Variants in SYNJ2BP observed in about 807,000 individuals in gnomAD.
SYNJ2BP encodes synaptojanin-2-binding protein.
In SYNJ2BP, 10 loss-of-function variants were observed where a neutral mutation model predicts 16.9. That is an observed-to-expected ratio of 0.59 (90% CI 0.36 to 1.00). The LOEUF (loss-of-function observed/expected upper bound fraction) is 1.00, where lower values mean the gene tolerates loss of function less well. Among genes scored for constraint, SYNJ2BP ranks in the 50% least tolerant of loss-of-function variants. SYNJ2BP has a pLI of 0.01. For synonymous variants in SYNJ2BP, 54 were observed against 68.4 expected (o/e 0.79, Z 1.04); for missense variants, 162 against 186.7 (o/e 0.87, Z 0.77).
intron 2 of SYNJ2BP, among the ~76,000 whole-genome samples, chr14:70,376,480 C>A (rs578215155): frequency 1.3e-5 from 2 of 152,268 alleles, no homozygotes; most frequent in South Asian, 4.1e-4. Flanking sequence ...GGAGTGACAT[C>A]GGCCACAAGT....
At chr14:70,416,837 AG>A in intron 1 of SYNJ2BP, 62 bp downstream of exon 1, 7 of 1,611,034 alleles carry the variant, frequency 4.3e-6, no homozygotes, top group Admixed American at 1.7e-5. Flanking sequence ...GCTCAGCAGC[AG>A]AGGTGTCTGC....
chr14:70,403,196 A>G lies in SYNJ2BP; in HGVS notation c.64+13704T>C, dbSNP rs536507278. On this transcript the variant is annotated intron_variant, in intron 1 of 3. Transcript: ENST00000256366. ...AGGAACTGGTAGTCTAAACAGGGAG[A>G]GATTATCTGCAAACTGGCAAATGAA... Among the ~76,000 whole-genome samples, 33 of 152,332 alleles carry G rather than the reference A, an allele frequency of 2.2e-4. 1 individual carries two copies. The South Asian group carries it at 6.8e-3, about 32-fold the overall frequency.
chr14:70,400,075 G>GGATT (rs1346767040), intron 1 of SYNJ2BP, among the ~76,000 whole-genome samples: 3 of 152,132 alleles, frequency 2.0e-5, no homozygotes, highest in African/African-American at 7.2e-5. Context: ...AAGTCAAAAA[G>GGATT]GATTATTTCA....
chr14:70,401,401 G>C (rs1171628646), intron 1 of SYNJ2BP, among the ~76,000 whole-genome samples: 1 of 152,004 alleles, frequency 6.6e-6, no homozygotes, highest in Non-Finnish European at 1.5e-5. Context: ...TTTGAGACCA[G>C]CCTGGGCAAT....
At chr14:70,381,362 A>G (rs955324204) in intron 2 of SYNJ2BP, among the ~76,000 whole-genome samples, 3 of 152,164 alleles carry the variant, frequency 2.0e-5, no homozygotes, top group African/African-American at 7.2e-5. Flanking sequence ...CAAATAAGAG[A>G]CCTTTTAGAA....
At chr14:70,398,012 G>A (rs1888143390) in intron 1 of SYNJ2BP, among the ~76,000 whole-genome samples, 1 of 152,214 alleles carries the variant, frequency 6.6e-6, no homozygotes, top group East Asian at 1.9e-4. Flanking sequence ...TCTCTGCTAG[G>A]GAGGTCATCC....
intron 1 of SYNJ2BP, among the ~76,000 whole-genome samples, chr14:70,415,173 T>TA (rs35018690): frequency 0.078 from 10,689 of 136,836 alleles, 438 homozygotes; most frequent in Middle Eastern, 0.12. Context: ...ACCTCGTCTC[T>TA]AAAAAAAAAA....
intron 1 of SYNJ2BP, among the ~76,000 whole-genome samples, chr14:70,411,297 A>G (rs958457941): frequency 1.6e-4 from 24 of 152,312 alleles, no homozygotes; most frequent in African/African-American, 5.8e-4. Context: ...TTGGCAATAC[A>G]TGGGAATACA....
intron 1 of SYNJ2BP, among the ~76,000 whole-genome samples, chr14:70,399,532 GACA>G (rs1888187857): frequency 1.3e-5 from 2 of 152,160 alleles, no homozygotes; most frequent in African/African-American, 4.8e-5. Context: ...GAGGGTGGGG[GACA>G]CACAGTTGGC....
In SYNJ2BP at chr14:70,368,237, T is replaced by C. The variant is rs1887437549; in HGVS notation, c.*4754A>G. ...TGATATGAGATCATTCTCAGATTGT[T>C]CTGTGGAATCTCCCAATTCCAATAA... On this transcript the variant is annotated 3_prime_UTR_variant, in exon 4 of 4. Coordinates refer to ENST00000256366, the MANE Select transcript of SYNJ2BP (RefSeq NM_018373.3). The C allele has an allele frequency of 6.6e-6, 1 of 152,246 alleles. No homozygotes were observed. Among genetic ancestry groups the C allele is most frequent in the South Asian group, 2.1e-4 (1 of 4,836 alleles). The allele number at this position is 152,246 out of a possible 1,614,324, so 9.4% of individuals were successfully genotyped here.
intron 1 of SYNJ2BP, among the ~76,000 whole-genome samples, chr14:70,399,739 G>C (rs1394740198): frequency 2.0e-5 from 3 of 152,150 alleles, no homozygotes; most frequent in African/African-American, 7.2e-5. Flanking sequence ...CATGCTGACA[G>C]AGGGTGTTAA....
rs80052880 is a variant in SYNJ2BP, at chr14:70,389,887, T to A, written c.65-1281A>T. ...AAACCACCATTCTAATATTTGTTTT[T>A]ATGAGTTTAACTATTTTAAATGCAT... On this transcript the variant is annotated intron_variant, in intron 1 of 3. Coordinates refer to ENST00000256366, the MANE Select transcript of SYNJ2BP (RefSeq NM_018373.3). Among the ~76,000 whole-genome samples, 1,369 of 152,336 alleles carry A rather than the reference T, an allele frequency of 9.0e-3. 14 individuals carry two copies. The highest frequency in any genetic ancestry group is 0.031 in the African/African-American group (1,281 of 41,572).
chr14:70,399,809 T>C (rs755019893), intron 1 of SYNJ2BP, among the ~76,000 whole-genome samples: 28 of 152,178 alleles, frequency 1.8e-4, no homozygotes, highest in Non-Finnish European at 2.6e-4. Flanking sequence ...TTCATGCTGA[T>C]TGGTGTTGTT....
intron 2 of SYNJ2BP, among the ~76,000 whole-genome samples, chr14:70,387,715 C>G (rs2140831917): frequency 6.6e-6 from 1 of 151,720 alleles, no homozygotes; most frequent in South Asian, 2.1e-4. Flanking sequence ...CCTGTAGTCC[C>G]AACTACTCAG....
At chr14:70,384,468 G>A (rs1887816495) in intron 2 of SYNJ2BP, among the ~76,000 whole-genome samples, 1 of 125,280 alleles carries the variant, frequency 8.0e-6, no homozygotes, top group Non-Finnish European at 1.7e-5. Context: ...TTCACTTAAG[G>A]ACAGAGAGGG....
chr14:70,378,029 T>C (rs1446360166), intron 2 of SYNJ2BP, among the ~76,000 whole-genome samples: 2 of 152,212 alleles, frequency 1.3e-5, no homozygotes, highest in African/African-American at 2.4e-5. Flanking sequence ...CCAAATCCTA[T>C]AGCCGTTTTT....
In SYNJ2BP at chr14:70,388,941, T is replaced by C. The variant is rs540602022; in HGVS notation, c.65-335A>G. ...TCTTCTTTTTCTTTTTTTTTTTTTT[T>C]CAGAGTCTTGCTAGTGGGCATAGTG... On this transcript the variant is annotated intron_variant, in intron 1 of 3. Transcript: ENST00000256366. Among the ~76,000 whole-genome samples the C allele has an allele frequency of 6.2e-3, 942 of 151,700 alleles. 6 individuals are homozygous for C. The highest frequency in any genetic ancestry group is 9.8e-3 in the Non-Finnish European group (663 of 67,864).
intron 3 of SYNJ2BP, 101 bp downstream of exon 3, chr14:70,375,575 G>T: frequency 2.1e-6 from 3 of 1,423,242 alleles, no homozygotes; most frequent in South Asian, 3.0e-5. Flanking sequence ...GGGGAGTGAG[G>T]GTAAAACAAA....
intron 1 of SYNJ2BP, among the ~76,000 whole-genome samples, chr14:70,396,051 T>A (rs576473561): frequency 1.0e-3 from 153 of 152,366 alleles, no homozygotes; most frequent in Non-Finnish European, 1.8e-3. Flanking sequence ...AGGATATCTG[T>A]GTTGTTTCCA....
Sources: gnomAD v4.1 joint callset for allele counts (sites outside exome capture counted in the v4.1 genomes callset) on GRCh38, gnomAD v4.1.1 for gene constraint, MANE v1.5 for transcripts, NCBI Gene and HGNC (gene_info 2026-07-23, HGNC 2026-07-21) for gene names.